The following CACNG7 variants were observed in gnomAD, a reference collection of about 807,000 sequenced individuals.
CACNG7 encodes calcium voltage-gated channel auxiliary subunit gamma 7, also known as voltage-dependent calcium channel gamma-7 subunit.
Under a neutral mutation model 26.3 loss-of-function variants are expected in CACNG7, and 9 were observed. That is an observed-to-expected ratio of 0.34 (90% CI 0.21 to 0.60). The LOEUF is 0.60. Ranked by LOEUF, CACNG7 falls within the 20% of genes least tolerant of loss-of-function variation. The pLI, the probability that CACNG7 is intolerant of heterozygous loss-of-function variation, is 0.81. For synonymous variants in CACNG7, 170 were observed against 157.0 expected (o/e 1.08, Z -0.62); for missense variants, 297 against 380.4 (o/e 0.78, Z 1.82).
intron 4 of CACNG7, among the ~76,000 whole-genome samples, chr19:53,917,352 T>G (rs1398604737): frequency 6.6e-6 from 1 of 152,180 alleles, no homozygotes; most frequent in African/African-American, 2.4e-5. Flanking sequence ...CCACTGCATG[T>G]CTCAGCTCCA....
At chr19:53,920,129 T>C (rs2068930346) in intron 4 of CACNG7, among the ~76,000 whole-genome samples, 1 of 102,276 alleles carries the variant, frequency 9.8e-6, no homozygotes. Context: ...TGGTCATTGG[T>C]GGACTTGCCC....
At position 53,909,418 on chromosome 19, in the gene CACNG7, G is replaced by A. The variant is rs1030387072; in HGVS notation, c.-129G>A. On this transcript the variant is annotated 5_prime_UTR_variant, in exon 1 of 6. Transcript: ENST00000391767. The surrounding 1 kb of genome is among the most constrained non-coding windows in gnomAD (Gnocchi z 5.1). ...GGCGGGGGCGGGGGGCGCGGGCACC[G>A]GCGACCCCGGTGGCGGCGGCGGCGG... The A allele has an allele frequency of 2.0e-5, 3 of 148,952 alleles. No homozygotes were observed. The highest frequency in any genetic ancestry group is 7.3e-5 in the African/African-American group (3 of 41,012). The allele number at this position is 148,952 out of a possible 1,614,324, so 9.2% of individuals were successfully genotyped here. A position where few individuals can be genotyped will look rare whatever the true frequency, so the allele number is the denominator to read the frequency against.
intron 4 of CACNG7, among the ~76,000 whole-genome samples, chr19:53,927,604 G>A (rs2069040502): frequency 6.6e-6 from 1 of 152,110 alleles, no homozygotes. Context: ...TTGGGAGGCC[G>A]AGGCAGGCAG....
In CACNG7 at chr19:53,909,988, G is replaced by A. The variant is rs970575094; in HGVS notation, c.-30+471G>A. ...ATCCGGGAAAGGGTGGGAGAAAGAG[G>A]GAGAAGAGGAGGCTTCAGGCCTGGG... On this transcript the variant is annotated intron_variant, in intron 1 of 5. Coordinates refer to ENST00000391767, the MANE Select transcript of CACNG7 (RefSeq NM_031896.5). The surrounding 1 kb of genome is among the most constrained non-coding windows in gnomAD (Gnocchi z 5.1). Among the ~76,000 whole-genome samples the A allele has an allele frequency of 2.0e-5, 3 of 152,248 alleles. No individual in the cohort carries two copies. Among genetic ancestry groups the A allele is most frequent in the African/African-American group, 7.2e-5 (3 of 41,544 alleles).
At chr19:53,923,824 GT>G (rs67019882) in intron 4 of CACNG7, among the ~76,000 whole-genome samples, 13,886 of 104,178 alleles carry the variant, frequency 0.13, 1,444 homozygotes, top group African/African-American at 0.22. Context: ...GTTGCCCCAG[GT>G]CTGGTCATTG....
intron 4 of CACNG7, among the ~76,000 whole-genome samples, chr19:53,919,592 T>C (rs1206637164): frequency 2.2e-5 from 3 of 134,060 alleles, no homozygotes; most frequent in East Asian, 2.3e-4. Flanking sequence ...TGCCCCAGGC[T>C]GGTCATTGGT....
chr19:53,927,575 C>T (rs7250578), intron 4 of CACNG7, among the ~76,000 whole-genome samples: 38,116 of 151,942 alleles, frequency 0.25, 5,393 homozygotes, highest in African/African-American at 0.39. Context: ...TGGTGGCTCA[C>T]GCCTGTAATC....
intron 4 of CACNG7, among the ~76,000 whole-genome samples, chr19:53,918,114 T>C (rs925071427): frequency 6.6e-6 from 1 of 152,232 alleles, no homozygotes; most frequent in African/African-American, 2.4e-5. Flanking sequence ...TTGGGGTGTA[T>C]AGTGGCTGAA....
chr19:53,942,493 C>T lies in CACNG7; in HGVS notation c.*200C>T, dbSNP rs1473467990. ...CAATGGCCGCGCCCTCTTTTCCCGA[C>T]CTCTCCTTTTCATTGGTCCCTCTCA... On this transcript the variant is annotated 3_prime_UTR_variant, in exon 6 of 6. Transcript: ENST00000391767. The surrounding 1 kb of genome is among the most constrained non-coding windows in gnomAD (Gnocchi z 5.9). The T allele has an allele frequency of 1.8e-5, 25 of 1,425,870 alleles. No homozygotes were observed. In the East Asian group the frequency reaches 3.6e-4, roughly 20 times the overall value. 88.3% of individuals were successfully genotyped at this position (1,425,870 alleles called of 1,614,324 possible). A position where few individuals can be genotyped will look rare whatever the true frequency, so the allele number is the denominator to read the frequency against.
chr19:53,914,650 G>C (rs2068883472), intron 3 of CACNG7, 64 bp downstream of exon 3: 7 of 1,453,888 alleles, frequency 4.8e-6, no homozygotes, highest in Admixed American at 1.7e-5. Flanking sequence ...GTGGAGTCCT[G>C]GGAGGGGGCA....
intron 4 of CACNG7, among the ~76,000 whole-genome samples, chr19:53,929,219 A>G (rs1399024579): frequency 6.6e-6 from 1 of 151,948 alleles, no homozygotes; most frequent in Non-Finnish European, 1.5e-5. Context: ...CAGGAAGTAA[A>G]GCAGACATAA....
At chr19:53,915,566 CT>C in intron 4 of CACNG7, 61 bp downstream of exon 4, 1 of 1,590,360 alleles carries the variant, frequency 6.3e-7, no homozygotes, top group Non-Finnish European at 8.6e-7. Flanking sequence ...CCTGTGGTTC[CT>C]TTTCCACTTA....
At chr19:53,915,049 A>AGGC (rs2068886879) in intron 3 of CACNG7, among the ~76,000 whole-genome samples, 1 of 151,152 alleles carries the variant, frequency 6.6e-6, no homozygotes, top group South Asian at 2.1e-4. Flanking sequence ...AAAGAAGGCA[A>AGGC]GGCAGAGTGG....
At chr19:53,917,804 A>G (rs879531703) in intron 4 of CACNG7, among the ~76,000 whole-genome samples, 3 of 151,802 alleles carry the variant, frequency 2.0e-5, no homozygotes, top group Non-Finnish European at 2.9e-5. Flanking sequence ...TGCGGTTCAC[A>G]GGAATGGAAA....
rs1280700511 is a variant in CACNG7, at chr19:53,915,498, A to G, written c.417A>G (p.Ile139Met). The change falls in exon 4 of 6, where the codon ATA becomes ATG. Residue 139 changes from isoleucine (I) to methionine (M), a missense_variant. By Grantham distance (10) the Ile-to-Met change is conservative. Coordinates refer to ENST00000391767, the MANE Select transcript of CACNG7 (RefSeq NM_031896.5). ...ILAFVSGIFF[I>M]LSGLSLVVGL... ...CTTTTGTCTCTGGCATCTTCTTCAT[A>G]CTATCGGGTGAGCCTAAGGACTTGG... 1 of 1,613,918 alleles carries G rather than the reference A, an allele frequency of 6.2e-7. No individual in the cohort carries two copies.
Position 53,915,502 on chromosome 19 carries a change from T to G in CACNG7, c.421T>G (p.Ser141Ala). 1 of 1,614,072 alleles carries G rather than the reference T, an allele frequency of 6.2e-7. No individual in the cohort carries two copies. The highest frequency in any genetic ancestry group is 8.5e-7 in the Non-Finnish European group (1 of 1,179,986). The change falls in exon 4 of 6, where the codon TCG becomes GCG. Residue 141 changes from serine to alanine, a missense_variant. Ser to Ala is a moderately conservative substitution (Grantham distance 99). Transcript: ENST00000391767. ...AFVSGIFFIL[S>A]GLSLVVGLVL... ...TGTCTCTGGCATCTTCTTCATACTA[T>G]CGGGTGAGCCTAAGGACTTGGGGGT... is the stretch of plus-strand genomic sequence containing the variant.
Position 53,943,084 on chromosome 19 carries a change from C to A in CACNG7, c.*791C>A, listed in dbSNP as rs2069149581. On this transcript the variant is annotated 3_prime_UTR_variant, in exon 6 of 6. Coordinates refer to ENST00000391767, the MANE Select transcript of CACNG7 (RefSeq NM_031896.5). The stretch of plus-strand genomic sequence containing the variant: ...CCTTTAACTCTTTCTCTCCTTTCCT[C>A]CCTTCACCCGTTCGTCCCAAGCCCT... 1 of 152,500 alleles carries A rather than the reference C, an allele frequency of 6.6e-6. No homozygotes were observed. Among genetic ancestry groups the A allele is most frequent in the Non-Finnish European group, 1.5e-5 (1 of 68,272 alleles). 9.4% of individuals were successfully genotyped at this position (152,500 alleles called of 1,614,324 possible).
At chr19:53,915,211 AAGG>A (rs2068888007) in intron 3 of CACNG7, among the ~76,000 whole-genome samples, 151 bp from the exon 4 acceptor site, 1 of 151,710 alleles carries the variant, frequency 6.6e-6, no homozygotes. Flanking sequence ...ATATCAGGGG[AAGG>A]AGAAGAGTCA....
At chr19:53,915,177 G>A (rs2068887735) in intron 3 of CACNG7, among the ~76,000 whole-genome samples, 188 bp from the exon 4 acceptor site, 1 of 151,870 alleles carries the variant, frequency 6.6e-6, no homozygotes, top group South Asian at 2.1e-4. Context: ...GAGGGGGCGT[G>A]GCAGGCTTGT....
Sources: allele counts gnomAD v4.1 joint callset (sites outside exome capture counted in the v4.1 genomes callset), GRCh38; gene constraint gnomAD v4.1.1; non-coding constraint Gnocchi (gnomAD v3.1); transcripts MANE v1.5; gene names NCBI Gene and HGNC (gene_info 2026-07-23, HGNC 2026-07-21).